Variants in PYGO1 observed in about 807,000 individuals in gnomAD.
PYGO1 encodes the protein pygopus homolog 1.
PYGO1 carries 6 observed loss-of-function variants against 29.5 expected under a neutral mutation model. The observed-to-expected ratio is 0.20, with a 90% CI of 0.11 to 0.40. The LOEUF (loss-of-function observed/expected upper bound fraction) is 0.40, where lower values mean the gene tolerates loss of function less well. Among genes scored for constraint, PYGO1 ranks in the 10% least tolerant of loss-of-function variants. The pLI, the probability that PYGO1 is intolerant of heterozygous loss-of-function variation, is 1.00. For missense variants in PYGO1, 515 were observed against 514.9 expected (o/e 1.00, Z 0.00); for synonymous variants, 186 against 180.5 (o/e 1.03, Z -0.24).
At chr15:55,547,513 C>G (rs1183081855) in intron 2 of PYGO1, among the ~76,000 whole-genome samples, 1 of 152,154 alleles carries the variant, frequency 6.6e-6, no homozygotes, top group Non-Finnish European at 1.5e-5. Context: ...CTAAAGCAGT[C>G]TAACCTAAAA....
chr15:55,575,405 A>G (rs1281369395), intron 1 of PYGO1, among the ~76,000 whole-genome samples: 1 of 152,212 alleles, frequency 6.6e-6, no homozygotes, highest in Non-Finnish European at 1.5e-5. Context: ...TTTATGACAA[A>G]TACTGTAGTC....
chr15:55,555,316 A>T (rs1161931191), intron 1 of PYGO1, among the ~76,000 whole-genome samples: 1 of 152,034 alleles, frequency 6.6e-6, no homozygotes, highest in African/African-American at 2.4e-5. Flanking sequence ...CCCTGAGGGA[A>T]TTCGTCACCA....
intron 1 of PYGO1, among the ~76,000 whole-genome samples, chr15:55,563,264 C>G (rs1415601594): frequency 2.0e-5 from 3 of 151,770 alleles, no homozygotes; most frequent in Non-Finnish European, 2.9e-5. Flanking sequence ...AACAACCTAA[C>G]TGAAAAACGG....
At position 55,557,839 on chromosome 15, in the gene PYGO1, C is replaced by A. The variant is rs551764252; in HGVS notation, c.50-8844G>T. Among the ~76,000 whole-genome samples, 18 of 152,270 alleles carry A rather than the reference C, an allele frequency of 1.2e-4. 1 individual carries two copies. The highest frequency in any genetic ancestry group is 5.8e-4 in the East Asian group (3 of 5,184). On this transcript the variant is annotated intron_variant, in intron 1 of 2. Transcript: ENST00000563719. ...AATAAATTAGGTATTGATGGGACGT[C>A]TCTCAAAATAATAGGAGCTATTTAT... is the stretch of plus-strand genomic sequence containing the variant.
In PYGO1 at chr15:55,548,989, T is replaced by C. The variant is rs547585077; in HGVS notation, c.56A>G (p.Asp19Gly). 1.7e-4 allele frequency: 270 copies of C among 1,598,566 alleles called. 4 individuals are homozygous for C. In the South Asian group the frequency reaches 2.3e-3, roughly 14 times the overall value. ...TCCTCCTAACCCATCCAGTCCACTA[T>C]CACCACCTAAAAAAAAAAAAATTCA... Reference protein sequence around the residue: ...PISLKRVRGGDSGLDGLGGPG... With the variant: ...PISLKRVRGGGSGLDGLGGPG... Residue 19 changes from aspartate (D) to glycine (G), a missense_variant, in exon 2 of 3, where the codon GAT becomes GGT. Physicochemically the swap from Asp to Gly is moderately conservative, Grantham distance 94. Transcript: ENST00000563719.
At chr15:55,566,362 G>A (rs1386562117) in intron 1 of PYGO1, among the ~76,000 whole-genome samples, 1 of 150,244 alleles carries the variant, frequency 6.7e-6, no homozygotes, top group Non-Finnish European at 1.5e-5. Context: ...TTAGGATAAC[G>A]GCCTCCAGTT....
chr15:55,549,497 A>C (rs1022358761), intron 1 of PYGO1, among the ~76,000 whole-genome samples: 3 of 152,190 alleles, frequency 2.0e-5, no homozygotes, highest in Non-Finnish European at 4.4e-5. Flanking sequence ...TGACTACACC[A>C]TGATTCATTA....
chr15:55,551,440 C>A (rs952726279), intron 1 of PYGO1, among the ~76,000 whole-genome samples: 1 of 152,078 alleles, frequency 6.6e-6, no homozygotes, highest in African/African-American at 2.4e-5. Context: ...ACCTTGATAC[C>A]AAAGCCAGAC....
rs933741983 is a variant in PYGO1, at chr15:55,575,312, C to G, written c.49+12523G>C. 3.9e-5 allele frequency among the ~76,000 whole-genome samples: 6 copies of G among 152,250 alleles called. 1 individual carries two copies. In the South Asian group the frequency reaches 1.2e-3, roughly 32 times the overall value. ...TTCTAACAATCCCCCTCAGGTAATACAGATACTGGTGGTCCATCAACCACA... is the reference window on the plus strand; with the variant it reads ...TTCTAACAATCCCCCTCAGGTAATAGAGATACTGGTGGTCCATCAACCACA... On this transcript the variant is annotated intron_variant, in intron 1 of 2. Transcript: ENST00000563719.
Position 55,548,939 on chromosome 15 carries a change from C to T in PYGO1, c.106G>A (p.Asp36Asn). The T allele has an allele frequency of 6.2e-7, 1 of 1,612,444 alleles. No individual in the cohort carries two copies. The highest frequency in any genetic ancestry group is 8.5e-7 in the Non-Finnish European group (1 of 1,179,324). Residue 36 changes from aspartate to asparagine, a missense_variant, in exon 2 of 3, where the codon GAT (aspartate) becomes AAT (asparagine). By Grantham distance (23) the Asp-to-Asn change is conservative. Coordinates refer to ENST00000563719, the MANE Select transcript of PYGO1 (RefSeq NM_001367806.1). ...GGPGVQLGSP[D>N]KKKRKANTQG... ...GTATTTGCCTTGCGCTTTTTCTTAT[C>T]TGGGCTTCCTAGTTGTACACCTGGT...
At chr15:55,551,803 A>G (rs891443942) in intron 1 of PYGO1, among the ~76,000 whole-genome samples, 8 of 152,000 alleles carry the variant, frequency 5.3e-5, no homozygotes, top group Non-Finnish European at 1.0e-4. Context: ...CAAGACCCCA[A>G]CTAAAAAAAA....
In PYGO1 at chr15:55,548,877, G is replaced by C. The variant is rs1199037645; in HGVS notation, c.135+33C>G. Reference sequence around the variant, plus strand: ...TCATCAGCCTGACCATACTAGCAAAGAAAAACTTTTATTAAAGAAAATGTC... The same window carrying C: ...TCATCAGCCTGACCATACTAGCAAACAAAAACTTTTATTAAAGAAAATGTC... On this transcript the variant is annotated intron_variant, in intron 2 of 2. Coordinates refer to ENST00000563719, the MANE Select transcript of PYGO1 (RefSeq NM_001367806.1). 6 of 1,589,490 alleles carry C rather than the reference G, an allele frequency of 3.8e-6. No homozygotes were observed. The East Asian group carries it at 1.3e-4, about 36-fold the overall frequency.
chr15:55,575,417 G>C (rs1007700944), intron 1 of PYGO1, among the ~76,000 whole-genome samples: 1 of 152,104 alleles, frequency 6.6e-6, no homozygotes, highest in Non-Finnish European at 1.5e-5. Context: ...ACTGTAGTCA[G>C]TACTTTTAAA....
chr15:55,584,678 T>C (rs1369470912), intron 1 of PYGO1, among the ~76,000 whole-genome samples: 1 of 152,164 alleles, frequency 6.6e-6, no homozygotes, highest in Non-Finnish European at 1.5e-5. Flanking sequence ...ACATTTACTA[T>C]GGGCAAGGCA....
intron 1 of PYGO1, among the ~76,000 whole-genome samples, chr15:55,568,789 T>A (rs2058968206): frequency 6.6e-6 from 1 of 152,166 alleles, no homozygotes; most frequent in African/African-American, 2.4e-5. Context: ...GCTGAGGGTT[T>A]TTATCGTGAT....
At chr15:55,548,816 T>G in intron 2 of PYGO1, 94 bp downstream of exon 2, 1 of 835,100 alleles carries the variant, frequency 1.2e-6, no homozygotes, top group Non-Finnish European at 1.8e-6. Flanking sequence ...ATCACTTGAA[T>G]AGAAAACAAA....
At chr15:55,550,553 C>G (rs954469433) in intron 1 of PYGO1, among the ~76,000 whole-genome samples, 2 of 152,154 alleles carry the variant, frequency 1.3e-5, no homozygotes, top group Admixed American at 6.5e-5. Context: ...AGTCCAAGCT[C>G]TATGGCATCT....
intron 1 of PYGO1, among the ~76,000 whole-genome samples, chr15:55,559,466 C>A (rs1300868010): frequency 6.6e-6 from 1 of 152,124 alleles, no homozygotes; most frequent in Admixed American, 6.5e-5. Context: ...TTGACCCAGC[C>A]ATCCCATTAC....
chr15:55,569,051 CT>C (rs1019096651), intron 1 of PYGO1, among the ~76,000 whole-genome samples: 34 of 147,234 alleles, frequency 2.3e-4, no homozygotes, highest in Admixed American at 3.4e-4. Context: ...CTATAGCTTT[CT>C]TTTTTTTTTC....
Sources: gnomAD v4.1 joint callset for allele counts (sites outside exome capture counted in the v4.1 genomes callset) on GRCh38, gnomAD v4.1.1 for gene constraint, MANE v1.5 for transcripts, NCBI Gene and HGNC (gene_info 2026-07-23, HGNC 2026-07-21) for gene names.